The following F13A1 variants were observed in gnomAD, a reference collection of about 807,000 sequenced individuals.
F13A1 encodes coagulation factor XIII A chain, also known as FSF, A subunit.
A neutral mutation model predicts 80.1 loss-of-function variants in F13A1; 47 were observed. The observed-to-expected ratio is 0.59, with a 90% confidence interval of 0.46 to 0.75. The LOEUF (loss-of-function observed/expected upper bound fraction) is 0.75, where lower values mean the gene tolerates loss of function less well. Among genes scored for constraint, F13A1 ranks in the 30% least tolerant of loss-of-function variants. The probability of loss-of-function intolerance (pLI) is 0.00; values close to 1 mark genes in which losing one functional copy is unlikely to be tolerated. For missense variants in F13A1, 817 were observed against 930.4 expected (o/e 0.88, Z 1.59); for synonymous variants, 349 against 344.9 (o/e 1.01, Z -0.13).
chr6:6,207,922 G>A (rs1310642162), intron 8 of F13A1, among the ~76,000 whole-genome samples: 1 of 152,132 alleles, frequency 6.6e-6, no homozygotes, highest in East Asian at 1.9e-4. Context: ...TCAACAATAG[G>A]TGCTAGAGAA....
intron 2 of F13A1, among the ~76,000 whole-genome samples, chr6:6,306,034 A>G (rs945405850): frequency 6.6e-6 from 1 of 152,254 alleles, no homozygotes; most frequent in Non-Finnish European, 1.5e-5. Context: ...AAAGTTAGCC[A>G]TTAATCTAAA....
intron 2 of F13A1, among the ~76,000 whole-genome samples, chr6:6,309,614 C>A (rs777871683): frequency 6.6e-6 from 1 of 152,096 alleles, no homozygotes; most frequent in Non-Finnish European, 1.5e-5. Flanking sequence ...GGAGACCATG[C>A]GAAGGAGTTT....
chr6:6,265,247 A>G (rs1350026968), intron 4 of F13A1, among the ~76,000 whole-genome samples: 1 of 152,242 alleles, frequency 6.6e-6, no homozygotes, highest in Non-Finnish European at 1.5e-5. Context: ...TACAAGGATC[A>G]TTCAAAATCA....
intron 4 of F13A1, among the ~76,000 whole-genome samples, chr6:6,263,083 ACT>A (rs1338379105): frequency 1.3e-5 from 2 of 151,978 alleles, no homozygotes; most frequent in African/African-American, 4.8e-5. Context: ...TGGACTGCAA[ACT>A]CTCTTTCCTG....
At chr6:6,294,887 C>A in intron 3 of F13A1, among the ~76,000 whole-genome samples, 1 of 113,802 alleles carries the variant, frequency 8.8e-6, no homozygotes, top group African/African-American at 3.5e-5. Context: ...AATGCTATCC[C>A]TCCCCCCTCC....
rs547683542 is a variant in F13A1, at chr6:6,248,828, G to A, written c.691-409C>T. ...CCTCGAAAGTAATGTGAATCCTCGT[G>A]CATTTAGAAAATAAAGAGCTCTCAG... On this transcript the variant is annotated intron_variant, in intron 5 of 14. Coordinates refer to ENST00000264870, the MANE Select transcript of F13A1 (RefSeq NM_000129.4). Among the ~76,000 whole-genome samples, 45 of 152,294 alleles carry A rather than the reference G, an allele frequency of 3.0e-4. 1 individual carries two copies. Among genetic ancestry groups the A allele is most frequent in the African/African-American group, 1.1e-3 (44 of 41,564 alleles).
chr6:6,288,401 C>T (rs189370942), intron 3 of F13A1, among the ~76,000 whole-genome samples: 1 of 152,242 alleles, frequency 6.6e-6, no homozygotes, highest in Admixed American at 6.5e-5. Context: ...TCAGATTCCA[C>T]ATATAAGTGA....
chr6:6,202,940 T>C (rs960933463), intron 8 of F13A1, among the ~76,000 whole-genome samples: 1 of 152,232 alleles, frequency 6.6e-6, no homozygotes, highest in Non-Finnish European at 1.5e-5. Context: ...ACATGGGACG[T>C]CATAGTTTAT....
chr6:6,257,795 G>A (rs1321164190), intron 4 of F13A1, among the ~76,000 whole-genome samples: 1 of 152,164 alleles, frequency 6.6e-6, no homozygotes. Flanking sequence ...CTGGATTTGT[G>A]CTAATTTGCC....
At chr6:6,172,402 G>A (rs1760791904) in intron 12 of F13A1, among the ~76,000 whole-genome samples, 1 of 151,482 alleles carries the variant, frequency 6.6e-6, no homozygotes, top group Non-Finnish European at 1.5e-5. Flanking sequence ...ACTACCCTAG[G>A]AATAGGAAAA....
At chr6:6,160,618 T>A (rs1336102152) in intron 13 of F13A1, among the ~76,000 whole-genome samples, 1 of 152,184 alleles carries the variant, frequency 6.6e-6, no homozygotes, top group Non-Finnish European at 1.5e-5. Context: ...ATTACAGGTG[T>A]GAGCCACTGC....
intron 3 of F13A1, among the ~76,000 whole-genome samples, chr6:6,302,556 T>C (rs1758449470): frequency 6.6e-6 from 1 of 152,102 alleles, no homozygotes; most frequent in African/African-American, 2.4e-5. Context: ...TAAAAAATGG[T>C]ACACCTGCAT....
In F13A1 at chr6:6,250,948, A is replaced by G. The variant is rs1757624336; in HGVS notation, c.572-19T>C. 3 of 1,505,030 alleles carry G rather than the reference A, an allele frequency of 2.0e-6. No individual in the cohort carries two copies. The highest frequency in any genetic ancestry group is 9.2e-7 in the Non-Finnish European group (1 of 1,082,054). The allele number at this position is 1,505,030 out of a possible 1,614,324, so 93.2% of individuals were successfully genotyped here. A position where few individuals can be genotyped will look rare whatever the true frequency, so the allele number is the denominator to read the frequency against. On this transcript the variant is annotated intron_variant, in intron 4 of 14. Coordinates refer to ENST00000264870, the MANE Select transcript of F13A1 (RefSeq NM_000129.4). The surrounding 1 kb of genome is among the most constrained non-coding windows in gnomAD (Gnocchi z 4.2). ...GCATCATCTGCATCAGGGTTTAAAC[A>G]TAGTGACTATTACCAAACCAGACTG...
chr6:6,178,602 C>G (rs1760926871), intron 11 of F13A1, among the ~76,000 whole-genome samples: 1 of 151,944 alleles, frequency 6.6e-6, no homozygotes, highest in Non-Finnish European at 1.5e-5. Context: ...GGTGATGGTA[C>G]ATATGTGAAC....
At chr6:6,157,206 C>A (rs1227302454) in intron 13 of F13A1, among the ~76,000 whole-genome samples, 1 of 152,138 alleles carries the variant, frequency 6.6e-6, no homozygotes, top group Non-Finnish European at 1.5e-5. Context: ...AGTTTACTTA[C>A]ACTACCTTAT....
intron 4 of F13A1, among the ~76,000 whole-genome samples, chr6:6,252,775 T>C (rs2113105227): frequency 1.3e-5 from 2 of 152,320 alleles, no homozygotes; most frequent in Middle Eastern, 3.4e-3. Context: ...TTAGTCTATA[T>C]GACCAATGTG....
At position 6,318,589 on chromosome 6, in the gene F13A1, C is replaced by G; in HGVS notation, c.76G>C (p.Asp26His). 1 of 1,613,578 alleles carries G rather than the reference C, an allele frequency of 6.2e-7. No homozygotes were observed. The highest frequency in any genetic ancestry group is 8.5e-7 in the Non-Finnish European group (1 of 1,179,894). ...PPNNSNAAED[D>H]LPTVELQGVV... ...CCCTGAAGCTCCACTGTGGGCAGGT[C>G]ATCTTCCGCTGCATTAGAGTTATTG... The change falls in exon 2 of 15, where the codon GAC becomes CAC. Residue 26 changes from aspartate to histidine, a missense_variant. By Grantham distance (81) the Asp-to-His change is moderately conservative. Transcript: ENST00000264870.
At position 6,144,693 on chromosome 6, in the gene F13A1, G is replaced by T. The variant is rs996280220; in HGVS notation, c.*926C>A. ...TTCTATATATCTGGTCACTAGATCC[G>T]CCAGCTTCTTCAACTTGTTGGGCTT... On this transcript the variant is annotated 3_prime_UTR_variant, in exon 15 of 15. Coordinates refer to ENST00000264870, the MANE Select transcript of F13A1 (RefSeq NM_000129.4). 12 of 152,300 alleles carry T rather than the reference G, an allele frequency of 7.9e-5. No homozygotes were observed. Among genetic ancestry groups the T allele is most frequent in the African/African-American group, 2.9e-4 (12 of 41,426 alleles). 9.4% of individuals were successfully genotyped at this position (152,300 alleles called of 1,614,324 possible).
chr6:6,227,152 A>G (rs1268549187), intron 6 of F13A1, among the ~76,000 whole-genome samples: 1 of 152,250 alleles, frequency 6.6e-6, no homozygotes, highest in Admixed American at 6.5e-5. Context: ...TTTACTGTGA[A>G]TGACAAAGCC....
Sources: gnomAD v4.1 joint callset for allele counts (sites outside exome capture counted in the v4.1 genomes callset) on GRCh38, gnomAD v4.1.1 for gene constraint, Gnocchi (gnomAD v3.1) non-coding constraint, MANE v1.5 for transcripts, NCBI Gene and HGNC (gene_info 2026-07-23, HGNC 2026-07-21) for gene names.